The following ZNF713 variants were observed in gnomAD, a reference collection of about 807,000 sequenced individuals.
ZNF713 encodes the protein zinc finger protein 713.
In ZNF713, 21 loss-of-function variants were observed where a neutral mutation model predicts 28.7. The observed-to-expected ratio is 0.73, with a 90% CI of 0.52 to 1.05. The LOEUF is 1.05. Among genes scored for constraint, ZNF713 ranks in the 50% least tolerant of loss-of-function variants. The pLI is 0.00. For missense variants in ZNF713, 458 were observed against 532.4 expected (o/e 0.86, Z 1.37); for synonymous variants, 167 against 178.0 (o/e 0.94, Z 0.49).
At chr7:55,893,742 G>A (rs1785427995) in intron 1 of ZNF713, among the ~76,000 whole-genome samples, 1 of 152,018 alleles carries the variant, frequency 6.6e-6, no homozygotes, top group East Asian at 1.9e-4. Context: ...ACCACACCAG[G>A]CTAATTTTTA....
chr7:55,925,608 A>G (rs1408245938), intron 6 of ZNF713, among the ~76,000 whole-genome samples: 1 of 152,118 alleles, frequency 6.6e-6, no homozygotes, highest in Non-Finnish European at 1.5e-5. Context: ...CAACAGAGCA[A>G]GACTCCATCT....
At position 55,941,469 on chromosome 7, in the gene ZNF713, TAAAATTTA is replaced by T. The variant is rs1462358314; in HGVS notation, c.*1469_*1476del. 1 of 147,432 alleles carries T rather than the reference TAAAATTTA, an allele frequency of 6.8e-6. No homozygotes were observed. Among genetic ancestry groups the T allele is most frequent in the Non-Finnish European group, 1.5e-5 (1 of 66,080 alleles). 9.1% of individuals were successfully genotyped at this position (147,432 alleles called of 1,614,324 possible). A position where few individuals can be genotyped will look rare whatever the true frequency, so the allele number is the denominator to read the frequency against. On this transcript the variant is annotated 3_prime_UTR_variant, in exon 7 of 7. Coordinates refer to ENST00000429591, the MANE Select transcript of ZNF713 (RefSeq NM_182633.3). The stretch of plus-strand genomic sequence containing the variant: ...AGACTGTCTCAAAAAAAAAAAAAAG[TAAAATTTA>T]AAAATAAAGGCGATGCTGTAGTGCA...
intron 1 of ZNF713, among the ~76,000 whole-genome samples, chr7:55,892,969 G>A (rs1237245301): frequency 3.3e-5 from 5 of 150,878 alleles, no homozygotes; most frequent in South Asian, 2.1e-4. Context: ...TGCAAGCTCC[G>A]TCTCCCGGGT....
chr7:55,904,664 A>G (rs932486163), intron 1 of ZNF713, among the ~76,000 whole-genome samples: 2 of 152,016 alleles, frequency 1.3e-5, no homozygotes, highest in African/African-American at 4.8e-5. Context: ...GCCTTGAAAA[A>G]AAGAGAGGAT....
At chr7:55,926,844 C>G (rs1045970915) in intron 6 of ZNF713, among the ~76,000 whole-genome samples, 4 of 152,114 alleles carry the variant, frequency 2.6e-5, no homozygotes, top group Admixed American at 2.6e-4. Flanking sequence ...AGCAGCTAGA[C>G]TGAGGGCCGG....
At chr7:55,915,696 C>A (rs1310709415) in intron 4 of ZNF713, among the ~76,000 whole-genome samples, 2 of 152,110 alleles carry the variant, frequency 1.3e-5, no homozygotes, top group Non-Finnish European at 2.9e-5. Context: ...TAAAAGAAGA[C>A]CACTGTGGTT....
chr7:55,923,284 A>G lies in ZNF713; in HGVS notation c.210A>G (p.Ala70=), dbSNP rs1786029527. Residue 70 remains alanine (A), a synonymous_variant, in exon 5 of 7, where the codon GCA becomes GCG. Coordinates refer to ENST00000429591, the MANE Select transcript of ZNF713 (RefSeq NM_182633.3). Reference sequence around the variant, plus strand: ...TGGAGAACTACAGGAATCTAGTTGCACTGGGTGAGGATGGCATCCCTGTGA... The same window carrying G: ...TGGAGAACTACAGGAATCTAGTTGCGCTGGGTGAGGATGGCATCCCTGTGA... ...VMLENYRNLV[A]LGYQLCKPEV... 25 of 1,610,086 alleles carry G rather than the reference A, an allele frequency of 1.6e-5. No homozygotes were observed. Among genetic ancestry groups the G allele is most frequent in the Non-Finnish European group, 2.1e-5 (25 of 1,178,746 alleles).
At chr7:55,905,342 A>G (rs1256286439) in intron 1 of ZNF713, among the ~76,000 whole-genome samples, 1 of 152,102 alleles carries the variant, frequency 6.6e-6, no homozygotes, top group Non-Finnish European at 1.5e-5. Flanking sequence ...CTATGTATTT[A>G]TATCTGTGTA....
chr7:55,907,396 T>C (rs1415001772), intron 2 of ZNF713, among the ~76,000 whole-genome samples: 2 of 152,222 alleles, frequency 1.3e-5, no homozygotes, highest in African/African-American at 4.8e-5. Flanking sequence ...TTCTTTGTCC[T>C]GTATTCATTA....
intron 4 of ZNF713, among the ~76,000 whole-genome samples, chr7:55,916,435 C>G (rs1247853532): frequency 6.6e-6 from 1 of 152,248 alleles, no homozygotes; most frequent in African/African-American, 2.4e-5. Flanking sequence ...CACCCATATT[C>G]TTGAACCCTT....
intron 1 of ZNF713, among the ~76,000 whole-genome samples, chr7:55,895,118 T>C (rs910165183): frequency 2.0e-5 from 3 of 152,192 alleles, no homozygotes; most frequent in Non-Finnish European, 4.4e-5. Context: ...TCACTCTGGC[T>C]GCAGTATGAA....
At chr7:55,909,148 G>T (rs892981345) in intron 2 of ZNF713, among the ~76,000 whole-genome samples, 2 of 141,384 alleles carry the variant, frequency 1.4e-5, no homozygotes, top group African/African-American at 5.4e-5. Context: ...GCAGTGAGCC[G>T]AGATCACGCC....
At chr7:55,896,128 C>T (rs6593289) in intron 1 of ZNF713, among the ~76,000 whole-genome samples, 125,013 of 152,170 alleles carry the variant, frequency 0.82, 51,887 homozygotes, top group East Asian at 0.95. Flanking sequence ...TCAGAAAGGA[C>T]GAGCAGTGAA....
chr7:55,927,742 C>CA (rs1786128040), intron 6 of ZNF713, among the ~76,000 whole-genome samples: 1 of 151,350 alleles, frequency 6.6e-6, no homozygotes, highest in African/African-American at 2.4e-5. Flanking sequence ...ACTACAAATA[C>CA]AAAAATTAGC....
Position 55,887,821 on chromosome 7 carries a change from CG to C in ZNF713, c.-583+143del. On this transcript the variant is annotated intron_variant, in intron 1 of 6. Coordinates refer to ENST00000429591, the MANE Select transcript of ZNF713 (RefSeq NM_182633.3). ...GAGGCGGGGGGCGGCGGGCGGCGGG[CG>C]GCGGGCGGCGGGCGGCGGGCGGCGG... The C allele has an allele frequency of 8.0e-4, 2 of 2,512 alleles. 1 individual carries two copies. The highest frequency in any genetic ancestry group is 0.024 in the East Asian group (2 of 82). 0.2% of individuals were successfully genotyped at this position (2,512 alleles called of 1,614,324 possible).
At chr7:55,898,440 C>G (rs1362450883) in intron 1 of ZNF713, among the ~76,000 whole-genome samples, 1 of 152,154 alleles carries the variant, frequency 6.6e-6, no homozygotes, top group African/African-American at 2.4e-5. Context: ...ACAGGCTGTA[C>G]AGGAAGCATG....
chr7:55,915,493 A>G (rs563811952), intron 4 of ZNF713, among the ~76,000 whole-genome samples: 60 of 152,380 alleles, frequency 3.9e-4, no homozygotes, highest in African/African-American at 1.4e-3. Flanking sequence ...AAATTGCAAA[A>G]GAGATGTGTT....
chr7:55,940,858 C>A lies in ZNF713; in HGVS notation c.*852C>A, dbSNP rs1371460040. ...TGAGGCAGAGTCTCGCTCTGCCACC[C>A]AGGCTGGAGTGCAATGGCGCGATCT... On this transcript the variant is annotated 3_prime_UTR_variant, in exon 7 of 7. Coordinates refer to ENST00000429591, the MANE Select transcript of ZNF713 (RefSeq NM_182633.3). 1 of 140,022 alleles carries A rather than the reference C, an allele frequency of 7.1e-6. No homozygotes were observed. Among genetic ancestry groups the A allele is most frequent in the Non-Finnish European group, 1.5e-5 (1 of 65,200 alleles). 8.7% of individuals were successfully genotyped at this position (140,022 alleles called of 1,614,324 possible). A position where few individuals can be genotyped will look rare whatever the true frequency, so the allele number is the denominator to read the frequency against.
In ZNF713 at chr7:55,939,633, G is replaced by A. The variant is rs1786423422; in HGVS notation, c.959G>A (p.Gly320Glu). 1 of 1,614,040 alleles carries A rather than the reference G, an allele frequency of 6.2e-7. No individual in the cohort carries two copies. The highest frequency in any genetic ancestry group is 1.3e-5 in the African/African-American group (1 of 74,918). Reference protein sequence around the residue: ...GEKPFICNGCGKAFRQHSSFT... With the variant: ...GEKPFICNGCEKAFRQHSSFT... Reference sequence around the variant, plus strand: ...AAGCCTTTTATATGCAATGGATGTGGGAAAGCCTTCCGTCAGCATTCATCC... The same window carrying A: ...AAGCCTTTTATATGCAATGGATGTGAGAAAGCCTTCCGTCAGCATTCATCC... The change falls in exon 7 of 7, where the codon GGG (glycine) becomes GAG (glutamate). Residue 320 changes from glycine to glutamate, a missense_variant. Transcript: ENST00000429591.
Sources: gnomAD v4.1 joint callset for allele counts (sites outside exome capture counted in the v4.1 genomes callset) on GRCh38, gnomAD v4.1.1 for gene constraint, MANE v1.5 for transcripts, NCBI Gene and HGNC (gene_info 2026-07-23, HGNC 2026-07-21) for gene names.